Variants in BIRC6 observed in about 807,000 individuals in gnomAD.
BIRC6 encodes the protein baculoviral IAP repeat containing 6.
In BIRC6, 98 loss-of-function variants were observed where a neutral mutation model predicts 503.3. The ratio of observed to expected loss-of-function variants is 0.19; its 90% confidence interval spans 0.17 to 0.23. The LOEUF (loss-of-function observed/expected upper bound fraction) is 0.23. Among genes scored for constraint, BIRC6 ranks in the 10% least tolerant of loss-of-function variants. The pLI is 1.00. For synonymous variants in BIRC6, 2,240 were observed against 2,078.7 expected (o/e 1.08, Z -2.11); for missense variants, 5,360 against 5,806.0 (o/e 0.92, Z 2.50).
intron 3 of BIRC6, 121 bp downstream of exon 3, chr2:32,380,411 C>A: frequency 7.6e-7 from 1 of 1,309,592 alleles, no homozygotes; most frequent in Non-Finnish European, 1.0e-6. Context: ...TTTTAAAAAG[C>A]AGAATGTGCT....
chr2:32,542,568 A>G (rs1251919742), intron 61 of BIRC6, among the ~76,000 whole-genome samples: 1 of 152,244 alleles, frequency 6.6e-6, no homozygotes, highest in African/African-American at 2.4e-5. Flanking sequence ...GAATGACAGA[A>G]TTAGAAAGTT....
chr2:32,462,914 C>T (rs953865745), intron 23 of BIRC6, among the ~76,000 whole-genome samples: 4 of 150,238 alleles, frequency 2.7e-5, no homozygotes, highest in East Asian at 1.9e-4. Flanking sequence ...AAGATCACGC[C>T]GCTGCACTCC....
At chr2:32,531,218 G>C (rs2056723999) in intron 60 of BIRC6, 137 bp from the exon 61 acceptor site, 2 of 693,316 alleles carry the variant, frequency 2.9e-6, no homozygotes, top group Non-Finnish European at 4.7e-6. Flanking sequence ...CCATAATACA[G>C]CTATATCTAA....
intron 40 of BIRC6, among the ~76,000 whole-genome samples, chr2:32,486,576 T>TTGC (rs1280000154): frequency 6.6e-6 from 1 of 152,180 alleles, no homozygotes. Context: ...GGCCTGCATA[T>TTGC]TGCTTCACCT....
intron 66 of BIRC6, among the ~76,000 whole-genome samples, chr2:32,580,552 A>C (rs2060603877): frequency 6.6e-6 from 1 of 152,124 alleles, no homozygotes; most frequent in African/African-American, 2.4e-5. Flanking sequence ...TAGAAGATAA[A>C]CAGGAATATA....
At chr2:32,583,864 G>A (rs1257990800) in intron 66 of BIRC6, among the ~76,000 whole-genome samples, 1 of 152,112 alleles carries the variant, frequency 6.6e-6, no homozygotes, top group African/African-American at 2.4e-5. Flanking sequence ...CCAAGTAACT[G>A]GAACTACAGG....
chr2:32,416,056 T>G lies in BIRC6; in HGVS notation c.2765T>G (p.Ile922Ser). Residue 922 changes from isoleucine (I) to serine (S), a missense_variant, in exon 10 of 74, where the codon ATT (isoleucine) becomes AGT (serine). By Grantham distance (142) the Ile-to-Ser change is moderately radical. Transcript: ENST00000421745. ...VKILDLSNFE[I>S]LAKVEPPKKE... ...ATACTAGATCTTTCAAACTTTGAAA[T>G]TTTGGCCAAAGTGGAGCCTCCCAAA... 2 of 1,613,846 alleles carry G rather than the reference T, an allele frequency of 1.2e-6. No homozygotes were observed. The highest frequency in any genetic ancestry group is 1.7e-6 in the Non-Finnish European group (2 of 1,179,852).
chr2:32,511,812 T>C (rs1346948629), intron 53 of BIRC6, among the ~76,000 whole-genome samples: 1 of 152,126 alleles, frequency 6.6e-6, no homozygotes, highest in African/African-American at 2.4e-5. Flanking sequence ...TTTATTAATA[T>C]CTTTATAAAT....
chr2:32,567,558 C>A (rs1475375264), intron 65 of BIRC6, among the ~76,000 whole-genome samples: 1 of 152,206 alleles, frequency 6.6e-6, no homozygotes, highest in Non-Finnish European at 1.5e-5. Flanking sequence ...TGGCCAGTAG[C>A]TGCCATACTG....
chr2:32,580,734 C>T (rs998440159), intron 66 of BIRC6, among the ~76,000 whole-genome samples: 4 of 152,176 alleles, frequency 2.6e-5, no homozygotes, highest in African/African-American at 7.2e-5. Flanking sequence ...TTTGTCTCAG[C>T]AGATAGAGCT....
intron 43 of BIRC6, among the ~76,000 whole-genome samples, 166 bp downstream of exon 43, chr2:32,490,317 A>C (rs1437358695): frequency 6.6e-6 from 1 of 152,124 alleles, no homozygotes; most frequent in African/African-American, 2.4e-5. Flanking sequence ...GGAGGCCAGC[A>C]CGGGTGGATC....
At chr2:32,524,397 T>C (rs183125298) in intron 57 of BIRC6, among the ~76,000 whole-genome samples, 8 of 152,354 alleles carry the variant, frequency 5.3e-5, no homozygotes, top group Admixed American at 3.3e-4. Context: ...ATTTGTAATA[T>C]AAGCAGAAGT....
chr2:32,488,708 A>C lies in BIRC6; in HGVS notation c.8089A>C (p.Asn2697His). The change falls in exon 42 of 74, where the codon AAT becomes CAT. Residue 2697 changes from asparagine to histidine, a missense_variant. Physicochemically the swap from Asn to His is moderately conservative, Grantham distance 68. This residue lies in a region of BIRC6 where 2,299 missense variants were observed against 2,267.2 expected (regional missense o/e 1.01). Transcript: ENST00000421745. ...TAATAGGATACCTGTTATTTCATTAAATCAAGGTAAGATTTATTAGGAGAA... is the reference window on the plus strand; with the variant it reads ...TAATAGGATACCTGTTATTTCATTACATCAAGGTAAGATTTATTAGGAGAA... ...NANRIPVISL[N>H]QASITSFLTV... is the part of the protein sequence containing the mutation. 3 of 1,400,618 alleles carry C rather than the reference A, an allele frequency of 2.1e-6. No homozygotes were observed. Among genetic ancestry groups the C allele is most frequent in the Non-Finnish European group, 2.9e-6 (3 of 1,033,296 alleles). The allele number at this position is 1,400,618 out of a possible 1,614,324, so 86.8% of individuals were successfully genotyped here. A position where few individuals can be genotyped will look rare whatever the true frequency, so the allele number is the denominator to read the frequency against.
intron 66 of BIRC6, among the ~76,000 whole-genome samples, chr2:32,578,996 A>AT (rs1553517247): frequency 4.1e-4 from 20 of 48,522 alleles, no homozygotes; most frequent in African/African-American, 1.2e-3. Context: ...ATATACACTT[A>AT]ATATATATAT....
intron 42 of BIRC6, among the ~76,000 whole-genome samples, chr2:32,489,149 A>G (rs548702265): frequency 6.6e-6 from 1 of 152,008 alleles, no homozygotes; most frequent in East Asian, 1.9e-4. Context: ...TGAGTATGGG[A>G]ATGGTGGTAG....
rs568733395 is a variant in BIRC6 at position 32,608,891 on chromosome 2, T to G, written c.14259+1248T>G. On this transcript the variant is annotated intron_variant, in intron 72 of 73. Coordinates refer to ENST00000421745, the MANE Select transcript of BIRC6 (RefSeq NM_016252.4). ...AGGAGAATGCCATTTCTTTTTTTTA[T>G]TTTTTTGAGATAGGACTTGGCTCTG... is the stretch of plus-strand genomic sequence containing the variant. Among the ~76,000 whole-genome samples the G allele has an allele frequency of 3.9e-5, 6 of 152,208 alleles. No individual in the cohort carries two copies. The South Asian group carries it at 1.2e-3, about 32-fold the overall frequency.
chr2:32,596,880 G>A (rs1453647411), intron 68 of BIRC6, among the ~76,000 whole-genome samples: 1 of 152,158 alleles, frequency 6.6e-6, no homozygotes, highest in Non-Finnish European at 1.5e-5. Context: ...ATCCTTATGT[G>A]TGAGAGATTC....
intron 73 of BIRC6, among the ~76,000 whole-genome samples, chr2:32,614,113 C>A (rs1328331266): frequency 1.3e-5 from 2 of 152,160 alleles, no homozygotes; most frequent in Non-Finnish European, 2.9e-5. Flanking sequence ...TGATTTTAAA[C>A]CATTTTTCTC....
intron 63 of BIRC6, among the ~76,000 whole-genome samples, chr2:32,546,512 G>A (rs138990219): frequency 1.4e-3 from 219 of 151,934 alleles, no homozygotes; most frequent in Middle Eastern, 3.4e-3. Context: ...CCCAGGAGGC[G>A]GAAGTTGCAG....
Sources: gnomAD v4.1 joint callset for allele counts (sites outside exome capture counted in the v4.1 genomes callset) on GRCh38, gnomAD v4.1.1 for gene constraint, gnomAD v4.1.1 regional missense constraint, MANE v1.5 for transcripts, NCBI Gene and HGNC (gene_info 2026-07-23, HGNC 2026-07-21) for gene names.